MTM1: variants seen among roughly 807,000 people sequenced by gnomAD.
MTM1 encodes the protein myotubularin.
In MTM1, 9 loss-of-function variants were observed where a neutral mutation model predicts 52.1. The ratio of observed to expected loss-of-function variants is 0.17; its 90% CI spans 0.10 to 0.30. The LOEUF (loss-of-function observed/expected upper bound fraction) is 0.30. MTM1 is among the 10% of genes least tolerant of loss of function. MTM1 has a pLI of 1.00. For missense variants in MTM1, 277 were observed against 470.7 expected (o/e 0.59, Z 3.81); for synonymous variants, 136 against 163.8 (o/e 0.83, Z 1.29).
In MTM1 at chrX:150,671,450, G is replaced by A. The variant is rs372735301; in HGVS notation, c.1667G>A (p.Arg556His). 8.3e-6 allele frequency: 10 copies of A among 1,211,206 alleles called. No homozygotes were observed. Among genetic ancestry groups the A allele is most frequent in the Admixed American group, 2.2e-5 (1 of 45,941 alleles). Residue 556 changes from arginine (R) to histidine (H), a missense_variant, in exon 15 of 15, where the codon CGT (arginine) becomes CAT (histidine). Transcript: ENST00000370396. ...KQQQPNPVEQ[R>H]YMELLALRDE... Reference sequence around the variant, plus strand: ...CAGCAGCCGAATCCAGTGGAGCAGCGTTACATGGAGCTCTTAGCCTTACGC... The same window carrying A: ...CAGCAGCCGAATCCAGTGGAGCAGCATTACATGGAGCTCTTAGCCTTACGC...
At chrX:150,584,733 G>T (rs1410895190) in intron 1 of MTM1, among the ~76,000 whole-genome samples, 1 of 111,258 alleles carries the variant, frequency 9.0e-6, no homozygotes, top group African/African-American at 3.3e-5. Context: ...GACTCCCGAG[G>T]ATACCAAAAT....
intron 6 of MTM1, 39 bp from the exon 7 acceptor site, chrX:150,638,904 C>A: frequency 1.0e-6 from 1 of 980,453 alleles, no homozygotes; most frequent in Non-Finnish European, 1.5e-6. Flanking sequence ...GTAGACTGTT[C>A]CTTCACGCTG....
upstream of MTM1, among the ~76,000 whole-genome samples, chrX:150,567,850 G>T (rs1469756355): frequency 8.9e-6 from 1 of 112,350 alleles, no homozygotes; most frequent in Non-Finnish European, 1.9e-5. Flanking sequence ...CACCGCGCCC[G>T]GCCCAGATTG....
intron 8 of MTM1, among the ~76,000 whole-genome samples, 163 bp from the exon 9 acceptor site, chrX:150,645,520 C>G (rs1169786135): frequency 8.9e-6 from 1 of 112,546 alleles, no homozygotes; most frequent in East Asian, 2.8e-4. Flanking sequence ...ATGCATGTCT[C>G]TGGGCACACA....
intron 10 of MTM1, among the ~76,000 whole-genome samples, chrX:150,650,318 G>A (rs1557414152): frequency 9.1e-6 from 1 of 109,950 alleles, no homozygotes; most frequent in African/African-American, 3.3e-5. Flanking sequence ...TAAAGAATTG[G>A]TTTTGTGTTT....
chrX:150,664,317 G>A (rs2040270503), intron 14 of MTM1, among the ~76,000 whole-genome samples: 1 of 112,790 alleles, frequency 8.9e-6, no homozygotes, highest in African/African-American at 3.2e-5. Context: ...CCTGCAGTGT[G>A]GGTGGTCGAC....
intron 1 of MTM1, among the ~76,000 whole-genome samples, chrX:150,584,916 T>C (rs1557412183): frequency 8.9e-6 from 1 of 111,974 alleles, no homozygotes; most frequent in South Asian, 3.7e-4. Flanking sequence ...ATTTGTATTA[T>C]TTGTATTTGT....
chrX:150,626,782 A>C (rs2039576867), intron 6 of MTM1, among the ~76,000 whole-genome samples: 1 of 112,123 alleles, frequency 8.9e-6, no homozygotes, highest in African/African-American at 3.2e-5. Flanking sequence ...GTACACACAC[A>C]CATGCTTTTA....
Position 150,596,560 on chromosome X carries a change from A to G in MTM1, c.126A>G (p.Thr42=), listed in dbSNP as rs782801257. ...CTGTTCCTCGACTTCCAGGAGAAAC[A>G]CTAATCACTGGTAAGGACCTGCTGA... is the stretch of plus-strand genomic sequence containing the variant. ...TEAVPRLPGE[T]LITDKEVIYI... is the part of the protein sequence containing the mutation. Residue 42 remains threonine, a synonymous_variant, in exon 3 of 15, where the codon ACA becomes ACG. Transcript: ENST00000370396. 3 of 1,204,373 alleles carry G rather than the reference A, an allele frequency of 2.5e-6. No homozygotes were observed. Among genetic ancestry groups the G allele is most frequent in the East Asian group, 5.9e-5 (2 of 33,730 alleles).
intron 1 of MTM1, among the ~76,000 whole-genome samples, chrX:150,582,197 T>A (rs1557411911): frequency 9.0e-6 from 1 of 111,262 alleles, no homozygotes; most frequent in Non-Finnish European, 1.9e-5. Flanking sequence ...TGTGAACTCT[T>A]TGGAAACAAG....
intron 2 of MTM1, among the ~76,000 whole-genome samples, chrX:150,593,189 T>A (rs1309448955): frequency 8.9e-6 from 1 of 111,948 alleles, no homozygotes; most frequent in African/African-American, 3.3e-5. Context: ...TAAGTGAGTT[T>A]TACATTTGTA....
chrX:150,671,825 A>G lies in MTM1; in HGVS notation c.*230A>G, dbSNP rs1023115823. On this transcript the variant is annotated 3_prime_UTR_variant, in exon 15 of 15. Coordinates refer to ENST00000370396, the MANE Select transcript of MTM1 (RefSeq NM_000252.3). ...AGATGAGGTTTTGGAAAACCCTGAC[A>G]CCTTTAAAAAGCAGTTTTTGAAAGA... 27 of 424,380 alleles carry G rather than the reference A, an allele frequency of 6.4e-5. 1 individual carries two copies. The highest frequency in any genetic ancestry group is 4.4e-5 in the Non-Finnish European group (11 of 249,309). 35.0% of individuals were successfully genotyped at this position (424,380 alleles called of 1,213,427 possible).
intron 4 of MTM1, among the ~76,000 whole-genome samples, chrX:150,602,242 GTC>G (rs2039080161): frequency 8.9e-6 from 1 of 112,355 alleles, no homozygotes; most frequent in Non-Finnish European, 1.9e-5. Flanking sequence ...CTTGTTTGTT[GTC>G]TCTCTAAGGA....
At chrX:150,631,018 T>C (rs2039657598) in intron 6 of MTM1, among the ~76,000 whole-genome samples, 1 of 112,339 alleles carries the variant, frequency 8.9e-6, no homozygotes, top group Admixed American at 9.4e-5. Context: ...ACCTGGGAAG[T>C]TCATTGGAGA....
intron 10 of MTM1, among the ~76,000 whole-genome samples, chrX:150,653,597 G>A (rs944137987): frequency 3.6e-5 from 4 of 112,049 alleles, no homozygotes; most frequent in Admixed American, 9.5e-5. Flanking sequence ...CAGGTGGCAT[G>A]GCCATCACTA....
At chrX:150,566,096 A>T (rs2038259121), upstream of MTM1, among the ~76,000 whole-genome samples, 1 of 110,478 alleles carries the variant, frequency 9.1e-6, no homozygotes, top group African/African-American at 3.3e-5. Context: ...CAGCGATGTC[A>T]CCAAGGGCAA....
chrX:150,605,641 C>T (rs1014813901), intron 4 of MTM1, among the ~76,000 whole-genome samples: 2 of 112,256 alleles, frequency 1.8e-5, no homozygotes, highest in Admixed American at 9.5e-5. Context: ...ATGTGGCCTA[C>T]TTTGTTTTTC....
chrX:150,661,769 A>G (rs1260535873), intron 13 of MTM1, among the ~76,000 whole-genome samples: 1 of 111,843 alleles, frequency 8.9e-6, no homozygotes, highest in African/African-American at 3.3e-5. Context: ...GGTAGTTACC[A>G]GGGGCTGGGG....
intron 12 of MTM1, 42 bp downstream of exon 12, chrX:150,659,798 T>A: frequency 9.7e-7 from 1 of 1,027,275 alleles, no homozygotes; most frequent in Non-Finnish European, 1.4e-6. Context: ...ACTCATTGTT[T>A]AAATTAAACA....
Sources: allele counts gnomAD v4.1 joint callset (sites outside exome capture counted in the v4.1 genomes callset), GRCh38; gene constraint gnomAD v4.1.1; transcripts MANE v1.5; gene names NCBI Gene and HGNC (gene_info 2026-07-23, HGNC 2026-07-21).